Variants in TRIM60 observed in about 807,000 individuals in gnomAD.
TRIM60 encodes tripartite motif-containing protein 60.
For synonymous variants in TRIM60, 189 were observed against 195.2 expected, an observed-to-expected ratio of 0.97 and a Z score of 0.27; for missense variants, 524 against 540.8, an observed-to-expected ratio of 0.97 and a Z score of 0.31.
chr4:165,033,089 C>T (rs947111720), intron 1 of TRIM60, among the ~76,000 whole-genome samples: 1 of 151,588 alleles, frequency 6.6e-6, no homozygotes. Context: ...ACTCGGGAGG[C>T]TGAGGTGCGA....
chr4:165,040,966 T>C lies in TRIM60; in HGVS notation c.894T>C (p.Ile298=). ...TCAAGCCATTTCAAGTAGATGTGAT[T>C]CTAGATCTCAACACAGCACATCCTC... is the stretch of plus-strand genomic sequence containing the variant. ...RIIKPFQVDV[I]LDLNTAHPQL... Residue 298 remains isoleucine, a synonymous_variant, in exon 3 of 3, where the codon ATT becomes ATC. Transcript: ENST00000512596. 1 of 1,614,078 alleles carries C rather than the reference T, an allele frequency of 6.2e-7. No individual in the cohort carries two copies. The highest frequency in any genetic ancestry group is 8.5e-7 in the Non-Finnish European group (1 of 1,179,932).
At chr4:165,037,315 T>C (rs1053703728) in intron 1 of TRIM60, among the ~76,000 whole-genome samples, 2 of 150,988 alleles carry the variant, frequency 1.3e-5, no homozygotes, top group Non-Finnish European at 2.9e-5. Flanking sequence ...CAAATCATTA[T>C]ACTTTTTTTG....
At chr4:165,034,895 T>G (rs1216031100) in intron 1 of TRIM60, among the ~76,000 whole-genome samples, 2 of 152,194 alleles carry the variant, frequency 1.3e-5, no homozygotes, top group African/African-American at 4.8e-5. Context: ...CTATACATAC[T>G]ACGACAGTTA....
chr4:165,033,037 A>AT (rs1733542489), intron 1 of TRIM60, among the ~76,000 whole-genome samples: 1 of 152,056 alleles, frequency 6.6e-6, no homozygotes, highest in South Asian at 2.1e-4. Flanking sequence ...AAAAAAAAAA[A>AT]AAAAAATCCG....
At chr4:165,037,783 AAC>A (rs775486322) in intron 1 of TRIM60, among the ~76,000 whole-genome samples, 2 of 152,154 alleles carry the variant, frequency 1.3e-5, no homozygotes, top group African/African-American at 2.4e-5. Flanking sequence ...TTTAATTTTG[AAC>A]AGTTTCCCAA....
At position 165,041,669 on chromosome 4, in the gene TRIM60, G is replaced by A; in HGVS notation, c.*181G>A. 1 of 415,816 alleles carries A rather than the reference G, an allele frequency of 2.4e-6. No individual in the cohort carries two copies. The allele number at this position is 415,816 out of a possible 1,614,324, so 25.8% of individuals were successfully genotyped here. A position where few individuals can be genotyped will look rare whatever the true frequency, so the allele number is the denominator to read the frequency against. On this transcript the variant is annotated 3_prime_UTR_variant, in exon 3 of 3. Coordinates refer to ENST00000512596, the MANE Select transcript of TRIM60 (RefSeq NM_152620.3). ...TATATTCTATGAATATCAATTGTCA[G>A]GTGCTTTGATTTCTAAGATAAAATA... is the stretch of plus-strand genomic sequence containing the variant.
At chr4:165,036,450 CT>C (rs1276111293) in intron 1 of TRIM60, among the ~76,000 whole-genome samples, 1 of 152,026 alleles carries the variant, frequency 6.6e-6, no homozygotes, top group Non-Finnish European at 1.5e-5. Context: ...TAATTTCCCC[CT>C]CATTAGATTA....
At chr4:165,039,975 T>A (rs1733713826) in intron 2 of TRIM60, 94 bp from the exon 3 acceptor site, 4 of 948,936 alleles carry the variant, frequency 4.2e-6, no homozygotes, top group Non-Finnish European at 6.4e-6. Flanking sequence ...ATCTACAAGG[T>A]CTGGGAGGGG....
At chr4:165,038,424 C>G (rs896531091) in intron 1 of TRIM60, among the ~76,000 whole-genome samples, 1 of 151,754 alleles carries the variant, frequency 6.6e-6, no homozygotes, top group Non-Finnish European at 1.5e-5. Context: ...CATAGTGGCT[C>G]ACACCTATAA....
intron 2 of TRIM60, 57 bp from the exon 3 acceptor site, chr4:165,040,012 C>G (rs1395539049): frequency 4.2e-6 from 6 of 1,443,878 alleles, no homozygotes; most frequent in Non-Finnish European, 5.7e-6. Flanking sequence ...GGTTTGCGCT[C>G]TACGGAGGCA....
At chr4:165,032,401 A>G (rs957228880) in intron 1 of TRIM60, among the ~76,000 whole-genome samples, 3 of 152,150 alleles carry the variant, frequency 2.0e-5, no homozygotes, top group African/African-American at 7.2e-5. Context: ...GGCGCTCGCC[A>G]CCACACCCAG....
intron 1 of TRIM60, among the ~76,000 whole-genome samples, chr4:165,037,335 G>A (rs540206058): frequency 1.3e-5 from 2 of 152,124 alleles, no homozygotes; most frequent in African/African-American, 4.8e-5. Flanking sequence ...GTTTTGTTTT[G>A]TTTTGTTTTT....
At chr4:165,038,800 G>A (rs556142788) in intron 1 of TRIM60, among the ~76,000 whole-genome samples, 33 of 151,746 alleles carry the variant, frequency 2.2e-4, no homozygotes, top group African/African-American at 7.2e-4. Context: ...TAGGCCAGGT[G>A]CGGTGGCTCA....
At position 165,041,456 on chromosome 4, in the gene TRIM60, A is replaced by G. The variant is rs1216953215; in HGVS notation, c.1384A>G (p.Lys462Glu). 3 of 1,585,712 alleles carry G rather than the reference A, an allele frequency of 1.9e-6. No homozygotes were observed. The highest frequency in any genetic ancestry group is 2.6e-6 in the Non-Finnish European group (3 of 1,166,048). ...FYTGTDSEPL[K>E]ICSVSDSER ...TACTGGAACAGATTCCGAACCTCTTAAAATCTGCTCAGTATCAGATTCTGA... is the reference window on the plus strand; with the variant it reads ...TACTGGAACAGATTCCGAACCTCTTGAAATCTGCTCAGTATCAGATTCTGA... The change falls in exon 3 of 3, where the codon AAA becomes GAA. Residue 462 changes from lysine to glutamate, a missense_variant. Physicochemically the swap from Lys to Glu is moderately conservative, Grantham distance 56. Transcript: ENST00000512596.
chr4:165,040,664 C>T lies in TRIM60; in HGVS notation c.592C>T (p.Gln198Ter), dbSNP rs1733736069. 6.2e-7 allele frequency: 1 copy of T among 1,613,778 alleles called. No homozygotes were observed. Among genetic ancestry groups the T allele is most frequent in the Non-Finnish European group, 8.5e-7 (1 of 1,179,872 alleles). Residue 198 changes from glutamine to a stop codon, truncating the protein, a stop_gained, in exon 3 of 3, where the codon CAA becomes TAA. Coordinates refer to ENST00000512596, the MANE Select transcript of TRIM60 (RefSeq NM_152620.3). LOFTEE classifies it low-confidence loss of function (END_TRUNC). ...EQIRLFLQNE[Q>*]EMILRQIQDE... ...AATAAGATTGTTTTTACAGAATGAACAAGAGATGATTCTTAGGCAGATACA... is the reference window on the plus strand; with the variant it reads ...AATAAGATTGTTTTTACAGAATGAATAAGAGATGATTCTTAGGCAGATACA...
chr4:165,041,432 A>G lies in TRIM60; in HGVS notation c.1360A>G (p.Thr454Ala), dbSNP rs1344802519. The G allele has an allele frequency of 1.9e-6, 3 of 1,606,016 alleles. No individual in the cohort carries two copies. Among genetic ancestry groups the G allele is most frequent in the Non-Finnish European group, 2.6e-6 (3 of 1,175,438 alleles). Residue 454 changes from threonine to alanine, a missense_variant, in exon 3 of 3, where the codon ACT becomes GCT. Transcript: ENST00000512596. ...FTEAVWPYFY[T>A]GTDSEPLKIC... Reference sequence around the variant, plus strand: ...AGAAGCCGTTTGGCCTTATTTCTATACTGGAACAGATTCCGAACCTCTTAA... The same window carrying G: ...AGAAGCCGTTTGGCCTTATTTCTATGCTGGAACAGATTCCGAACCTCTTAA...
chr4:165,036,219 C>G (rs894476732), intron 1 of TRIM60, among the ~76,000 whole-genome samples: 14 of 149,926 alleles, frequency 9.3e-5, no homozygotes, highest in African/African-American at 3.3e-4. Context: ...GGGTCAGGCA[C>G]TGTAACATCC....
In TRIM60 at chr4:165,039,251, A is replaced by C. The variant is rs1733692420; in HGVS notation, c.-6A>C. The stretch of plus-strand genomic sequence containing the variant: ...TAAGGTGGTATTCTCTACATTATAA[A>C]GGTACTTATTTTTCTCTTTGTAATT... On this transcript the variant is annotated splice_region_variant and 5_prime_UTR_variant, in exon 2 of 3. Transcript: ENST00000512596. The C allele has an allele frequency of 6.6e-6, 1 of 152,138 alleles. No homozygotes were observed. The highest frequency in any genetic ancestry group is 2.1e-4 in the South Asian group (1 of 4,830). The allele number at this position is 152,138 out of a possible 1,614,324, so 9.4% of individuals were successfully genotyped here.
chr4:165,032,239 C>G (rs948036296), intron 1 of TRIM60, 127 bp downstream of exon 1: 1 of 152,304 alleles, frequency 6.6e-6, no homozygotes. Context: ...CGACTGAGCT[C>G]AGACTGTGGA....
Sources: gnomAD v4.1 joint callset for allele counts (sites outside exome capture counted in the v4.1 genomes callset) on GRCh38, gnomAD v4.1.1 for gene constraint, MANE v1.5 for transcripts, NCBI Gene and HGNC (gene_info 2026-07-23, HGNC 2026-07-21) for gene names.